DMD: variants seen among roughly 807,000 people sequenced by gnomAD.
DMD encodes dystrophin.
In DMD, 63 loss-of-function variants were observed where a neutral mutation model predicts 330.1. The ratio of observed to expected loss-of-function variants is 0.19; its 90% CI spans 0.16 to 0.24. DMD has a LOEUF of 0.24. DMD is among the 10% of genes least tolerant of loss of function. DMD has a pLI of 1.00. For missense variants in DMD, 3,344 were observed against 2,684.1 expected (o/e 1.25, Z -5.43); for synonymous variants, 1,223 against 959.8 (o/e 1.27, Z -5.07).
intron 1 of DMD, among the ~76,000 whole-genome samples, chrX:33,081,007 C>CACACACAA (rs1441153335): frequency 3.8e-4 from 37 of 98,057 alleles, no homozygotes; most frequent in African/African-American, 1.4e-3. Flanking sequence ...CACACACACA[C>CACACACAA]AAAAACACAT....
At chrX:31,613,986 T>C (rs7066656) in intron 55 of DMD, among the ~76,000 whole-genome samples, 55,884 of 110,932 alleles carry the variant, frequency 0.5, 10,752 homozygotes, top group African/African-American at 0.69. Flanking sequence ...ATCAATGCAA[T>C]GGTTGCATCC....
At chrX:31,841,601 C>T (rs1005304203) in intron 48 of DMD, among the ~76,000 whole-genome samples, 3 of 111,967 alleles carry the variant, frequency 2.7e-5, no homozygotes, top group African/African-American at 9.7e-5. Context: ...GGGGCTAATG[C>T]AATTGATGAC....
At chrX:31,958,512 A>AGTT (rs1192482836) in intron 45 of DMD, among the ~76,000 whole-genome samples, 1 of 111,217 alleles carries the variant, frequency 9.0e-6, no homozygotes, top group Non-Finnish European at 1.9e-5. Flanking sequence ...GATTTGTGAT[A>AGTT]GTTTACAGTG....
At chrX:33,269,924 A>C (rs2148912179) in intron 1 of DMD, among the ~76,000 whole-genome samples, 1 of 110,104 alleles carries the variant, frequency 9.1e-6, no homozygotes, top group East Asian at 2.9e-4. Flanking sequence ...TACGTAAAAT[A>C]AAAGGTCATA....
At position 31,121,168 on chromosome X, in the gene DMD, A is replaced by C. The variant is rs2032415337; in HGVS notation, c.*751T>G. 1 of 111,483 alleles carries C rather than the reference A, an allele frequency of 9.0e-6. No individual in the cohort carries two copies. Among genetic ancestry groups the C allele is most frequent in the African/African-American group, 3.3e-5 (1 of 30,633 alleles). The allele number at this position is 111,483 out of a possible 1,213,427, so 9.2% of individuals were successfully genotyped here. The stretch of plus-strand genomic sequence containing the variant: ...GTGACATGAACATTTAAAAAATGGA[A>C]AAAGTCAGTCTATAGAAATTCGTAT... On this transcript the variant is annotated 3_prime_UTR_variant, in exon 79 of 79. Transcript: ENST00000357033.
chrX:32,024,508 A>AGT (rs2095832597), intron 44 of DMD, among the ~76,000 whole-genome samples: 1 of 102,168 alleles, frequency 9.8e-6, no homozygotes. Context: ...AAAAAAAAAA[A>AGT]GTATGAAACA....
chrX:32,735,553 G>T (rs1262567710), intron 7 of DMD, among the ~76,000 whole-genome samples: 1 of 111,105 alleles, frequency 9.0e-6, no homozygotes, highest in Admixed American at 9.6e-5. Context: ...GCATGGTACT[G>T]GTACCAAAAC....
chrX:32,000,506 T>G (rs941946770), intron 44 of DMD, among the ~76,000 whole-genome samples: 2 of 112,030 alleles, frequency 1.8e-5, no homozygotes, highest in African/African-American at 6.5e-5. Flanking sequence ...CCTTAAATGC[T>G]AGTTTTTAAC....
At chrX:31,730,282 G>T (rs767206225) in intron 51 of DMD, among the ~76,000 whole-genome samples, 2 of 111,524 alleles carry the variant, frequency 1.8e-5, no homozygotes, top group Non-Finnish European at 3.8e-5. Flanking sequence ...CTGCCTGTCC[G>T]TAAGAATCAC....
At chrX:32,467,597 T>C (rs1043256230) in intron 23 of DMD, among the ~76,000 whole-genome samples, 3 of 108,622 alleles carry the variant, frequency 2.8e-5, no homozygotes, top group African/African-American at 1.0e-4. Context: ...ATTAGATATG[T>C]ATATATGTAC....
intron 1 of DMD, among the ~76,000 whole-genome samples, chrX:33,042,331 T>C (rs1222558632): frequency 9.0e-6 from 1 of 111,351 alleles, no homozygotes; most frequent in African/African-American, 3.2e-5. Flanking sequence ...TGTTCAAACT[T>C]TCTATTAATA....
chrX:32,471,639 G>A (rs1016233370), intron 22 of DMD, among the ~76,000 whole-genome samples: 1 of 111,724 alleles, frequency 9.0e-6, no homozygotes, highest in African/African-American at 3.3e-5. Flanking sequence ...GGCATTATAA[G>A]TAATCCAGAG....
chrX:32,727,036 G>A (rs945588024), intron 7 of DMD, among the ~76,000 whole-genome samples: 1 of 110,703 alleles, frequency 9.0e-6, no homozygotes, highest in East Asian at 2.8e-4. Context: ...GTTCCTCTAG[G>A]TTGAAGTAAA....
chrX:32,615,392 G>A lies in DMD; in HGVS notation c.1332-939C>T, dbSNP rs143965394. On this transcript the variant is annotated intron_variant, in intron 11 of 78. Transcript: ENST00000357033. ...TCTCAATTACATTTCCAGCATCAGG[G>A]ACATGGGATAATGTTTTGCCTATTA... is the stretch of plus-strand genomic sequence containing the variant. Among the ~76,000 whole-genome samples the A allele has an allele frequency of 5.8e-3, 640 of 110,981 alleles. 2 individuals are homozygous for A. The highest frequency in any genetic ancestry group is 0.019 in the African/African-American group (596 of 30,619).
chrX:32,184,630 A>G (rs1276393768), intron 44 of DMD, among the ~76,000 whole-genome samples: 2 of 111,209 alleles, frequency 1.8e-5, no homozygotes, highest in African/African-American at 6.5e-5. Flanking sequence ...GGTTCAGTTG[A>G]AAGCAAAGAG....
chrX:31,134,539 C>T (rs922009169), intron 76 of DMD, among the ~76,000 whole-genome samples: 12 of 109,729 alleles, frequency 1.1e-4, no homozygotes, highest in Non-Finnish European at 2.1e-4. Context: ...TCTTCTGCCT[C>T]AGCCTCCCGA....
chrX:33,172,692 C>A (rs2049420963), intron 1 of DMD, among the ~76,000 whole-genome samples: 1 of 111,852 alleles, frequency 8.9e-6, no homozygotes, highest in Non-Finnish European at 1.9e-5. Flanking sequence ...TCTTATCCTG[C>A]ATTTAACGCA....
At chrX:32,757,015 A>T (rs1226903580) in intron 7 of DMD, among the ~76,000 whole-genome samples, 2 of 111,244 alleles carry the variant, frequency 1.8e-5, no homozygotes, top group Admixed American at 9.6e-5. Flanking sequence ...TCAGGGTTTA[A>T]CTCTTAAAGA....
At chrX:32,919,299 A>G (rs2088151006) in intron 2 of DMD, among the ~76,000 whole-genome samples, 1 of 111,947 alleles carries the variant, frequency 8.9e-6, no homozygotes, top group African/African-American at 3.2e-5. Context: ...GTTGGTATTA[A>G]TGGGAGATTC....
Sources: allele counts gnomAD v4.1 joint callset (sites outside exome capture counted in the v4.1 genomes callset), GRCh38; gene constraint gnomAD v4.1.1; transcripts MANE v1.5; gene names NCBI Gene and HGNC (gene_info 2026-07-23, HGNC 2026-07-21).